The following AGAP6 variants were observed in gnomAD, a reference collection of about 807,000 sequenced individuals.
AGAP6 encodes ArfGAP with GTPase domain, ankyrin repeat and PH domain 6, also known as arf-GAP with GTPase, ANK repeat and PH domain-containing protein 6.
AGAP6 carries 29 observed loss-of-function variants against 63.9 expected under a neutral mutation model. The ratio of observed to expected loss-of-function variants is 0.45; its 90% CI spans 0.34 to 0.62. The LOEUF (loss-of-function observed/expected upper bound fraction) is 0.62. Ranked by LOEUF, AGAP6 falls within the 20% of genes least tolerant of loss-of-function variation. The pLI, the probability that AGAP6 is intolerant of heterozygous loss-of-function variation, is 0.01. For missense variants in AGAP6, 493 were observed against 884.9 expected, an observed-to-expected ratio of 0.56 and a Z score of 5.62; for synonymous variants, 199 against 332.9, an observed-to-expected ratio of 0.60 and a Z score of 4.38.
chr10:50,001,255 G>A (rs1434046238), intron 4 of AGAP6, among the ~76,000 whole-genome samples: 132 of 150,192 alleles, frequency 8.8e-4, no homozygotes, highest in Middle Eastern at 3.4e-3. Flanking sequence ...GCGTGAACCC[G>A]GGAGGCGGAG....
In AGAP6 at chr10:50,009,249, T is replaced by C; in HGVS notation, c.1124T>C (p.Ile375Thr). ...KDMDTGLGDS[I>T]CFSPSISSTT... ...ATGGACACCGGGCTGGGTGACTCCATATGCTTCAGCCCCAGTATCTCCAGC... is the reference window on the plus strand; with the variant it reads ...ATGGACACCGGGCTGGGTGACTCCACATGCTTCAGCCCCAGTATCTCCAGC... The change falls in exon 8 of 8, where the codon ATA becomes ACA. Residue 375 changes from isoleucine to threonine, a missense_variant. Around this residue, in one of 7 missense-constraint regions of AGAP6, gnomAD observed 342 missense variants for 533.4 expected, o/e 0.64. Coordinates refer to ENST00000412531, the MANE Select transcript of AGAP6 (RefSeq NM_001077665.3). 6.2e-7 allele frequency: 1 copy of C among 1,614,186 alleles called. No individual in the cohort carries two copies. Among genetic ancestry groups the C allele is most frequent in the Non-Finnish European group, 8.5e-7 (1 of 1,180,036 alleles).
At chr10:49,991,655 T>C (rs1564706166) in intron 2 of AGAP6, 21 bp from the exon 3 acceptor site, 1 of 1,597,384 alleles carries the variant, frequency 6.3e-7, no homozygotes, top group Non-Finnish European at 8.5e-7. Context: ...CTTTTTTTCT[T>C]TTCTTCCTCT....
At chr10:49,989,024 C>T (rs185835928) in intron 1 of AGAP6, 86 bp downstream of exon 1, 169 of 1,597,380 alleles carry the variant, frequency 1.1e-4, no homozygotes, top group Middle Eastern at 2.1e-4. Flanking sequence ...TCCCACACTT[C>T]GAGCTCCTTT....
rs1161528011 is a variant in AGAP6 at position 50,001,269 on chromosome 10, G to T, written c.397-727G>T. Among the ~76,000 whole-genome samples, 4 of 150,640 alleles carry T rather than the reference G, an allele frequency of 2.7e-5. No individual in the cohort carries two copies. In the East Asian group the frequency reaches 5.9e-4, roughly 22 times the overall value. On this transcript the variant is annotated intron_variant, in intron 4 of 7. Coordinates refer to ENST00000412531, the MANE Select transcript of AGAP6 (RefSeq NM_001077665.3). ...GGCGTGAACCCGGGAGGCGGAGCTT[G>T]CAGTGAGCCGAGATTGCACCACTGC...
intron 5 of AGAP6, among the ~76,000 whole-genome samples, chr10:50,002,385 T>TA (rs1841746158): frequency 8.0e-6 from 1 of 125,610 alleles, no homozygotes; most frequent in African/African-American, 2.9e-5. Flanking sequence ...ATTGAATGTT[T>TA]TTTGTGGAAA....
intron 3 of AGAP6, among the ~76,000 whole-genome samples, chr10:49,993,660 AC>A (rs1183742740): frequency 6.6e-6 from 1 of 152,028 alleles, no homozygotes; most frequent in Non-Finnish European, 1.5e-5. Context: ...TACTAAAAAT[AC>A]AAAAAACAAT....
chr10:49,997,764 GT>G (rs1239429550), intron 4 of AGAP6, among the ~76,000 whole-genome samples: 2 of 149,510 alleles, frequency 1.3e-5, no homozygotes, highest in East Asian at 4.0e-4. Context: ...CCAATTTGTA[GT>G]CTTTTATCCC....
chr10:50,006,933 T>G (rs1356497506), intron 6 of AGAP6, among the ~76,000 whole-genome samples: 1 of 152,068 alleles, frequency 6.6e-6, no homozygotes, highest in East Asian at 1.9e-4. Context: ...ACTAATGTAA[T>G]TGGTACCACT....
At chr10:49,989,414 G>T in intron 2 of AGAP6, 38 bp downstream of exon 2, 1 of 1,596,994 alleles carries the variant, frequency 6.3e-7, no homozygotes, top group Non-Finnish European at 8.5e-7. Context: ...TTATTATCCT[G>T]TGGTACTTTG....
Position 50,009,564 on chromosome 10 carries a change from T to TG in AGAP6, c.1441dup (p.Asp481GlyfsTer3), listed in dbSNP as rs1449357370. The TG allele has an allele frequency of 1.9e-6, 3 of 1,613,876 alleles. No individual in the cohort carries two copies. The African/African-American group carries it at 4.0e-5, about 22-fold the overall frequency. On this transcript the variant is annotated frameshift_variant, in exon 8 of 8. Coordinates refer to ENST00000412531, the MANE Select transcript of AGAP6 (RefSeq NM_001077665.3). LOFTEE classifies it high-confidence loss of function. ...AACATGCGTGGGAACGCCCACTGTG[T>TG]GGACTGTGAGACCCAGAATCCTAAG...
rs782555436 is a variant in AGAP6, at chr10:49,988,822, C to G, written c.107C>G (p.Ala36Gly). 2.6e-6 allele frequency: 4 copies of G among 1,560,880 alleles called. No homozygotes were observed. Among genetic ancestry groups the G allele is most frequent in the African/African-American group, 2.7e-5 (2 of 73,290 alleles). ...PSESETYEAG[A>G]RDRMAGAPMA... ...GAATCTGAGACCTATGAGGCAGGAG[C>G]TAGGGACAGGATGGCAGGAGCGCCC... is the stretch of plus-strand genomic sequence containing the variant. Residue 36 changes from alanine to glycine, a missense_variant, in exon 1 of 8, where the codon GCT (alanine) becomes GGT (glycine). Transcript: ENST00000412531.
chr10:49,992,874 G>T (rs541024674), intron 3 of AGAP6, among the ~76,000 whole-genome samples: 2 of 152,186 alleles, frequency 1.3e-5, no homozygotes, highest in South Asian at 4.1e-4. Flanking sequence ...CAATTCTCCT[G>T]CCTCAGCCTC....
chr10:50,007,013 A>G (rs1216059352), intron 6 of AGAP6, among the ~76,000 whole-genome samples: 3 of 151,060 alleles, frequency 2.0e-5, no homozygotes, highest in African/African-American at 7.3e-5. Flanking sequence ...GCAAGTGTCA[A>G]TGAAAAAGCA....
intron 4 of AGAP6, among the ~76,000 whole-genome samples, chr10:49,999,564 A>G (rs1476968776): frequency 1.6e-5 from 2 of 127,988 alleles, no homozygotes; most frequent in African/African-American, 6.2e-5. Context: ...CAAGACAAGG[A>G]TGCCCACTCT....
chr10:49,993,724 G>A (rs1841372454), intron 3 of AGAP6, among the ~76,000 whole-genome samples: 1 of 151,752 alleles, frequency 6.6e-6, no homozygotes, highest in African/African-American at 2.4e-5. Context: ...GGAGGCTAAG[G>A]CTGAAGAATT....
chr10:49,994,506 A>T, intron 4 of AGAP6, 77 bp downstream of exon 4: 1 of 1,487,648 alleles, frequency 6.7e-7, no homozygotes, highest in East Asian at 2.4e-5. Context: ...TTTAAATTAC[A>T]ATGTGGACCT....
Position 50,010,308 on chromosome 10 carries a change from G to A in AGAP6, c.*122G>A, listed in dbSNP as rs534900906. The A allele has an allele frequency of 2.3e-5, 37 of 1,581,098 alleles. No homozygotes were observed. In the African/African-American group the frequency reaches 3.4e-4, roughly 14 times the overall value. ...AATATTAGCATTTTCAGTACTTTTC[G>A]TAAACTAAGTAAATACACAAAATGT... On this transcript the variant is annotated 3_prime_UTR_variant, in exon 8 of 8. Transcript: ENST00000412531.
Position 50,009,049 on chromosome 10 carries a change from T to C in AGAP6, c.924T>C (p.Cys308=), listed in dbSNP as rs1554864710. 1 of 1,613,596 alleles carries C rather than the reference T, an allele frequency of 6.2e-7. No individual in the cohort carries two copies. The highest frequency in any genetic ancestry group is 1.1e-5 in the South Asian group (1 of 91,054). The stretch of plus-strand genomic sequence containing the variant: ...GGAAAAAGAAATACGTCACCCTGTG[T>C]TCCAATGGCATGCTCACCTATTATT... The part of the protein sequence containing the change: ...KTWKKKYVTL[C]SNGMLTYYSS... Residue 308 remains cysteine (C), a synonymous_variant, in exon 8 of 8, where the codon TGT becomes TGC. Transcript: ENST00000412531.
chr10:50,003,883 A>T (rs1423879355), intron 5 of AGAP6, among the ~76,000 whole-genome samples: 7 of 152,234 alleles, frequency 4.6e-5, no homozygotes, highest in Admixed American at 1.3e-4. Context: ...TTTTAAAATT[A>T]TTTCAGAGAT....
Sources: gnomAD v4.1 joint callset for allele counts (sites outside exome capture counted in the v4.1 genomes callset) on GRCh38, gnomAD v4.1.1 for gene constraint, gnomAD v4.1.1 regional missense constraint, MANE v1.5 for transcripts, NCBI Gene and HGNC (gene_info 2026-07-23, HGNC 2026-07-21) for gene names.